The following PDGFD variants were observed in gnomAD, a reference collection of about 807,000 sequenced individuals.
PDGFD encodes platelet derived growth factor D.
Under a neutral mutation model 44.7 loss-of-function variants are expected in PDGFD, and 30 were observed. The ratio of observed to expected loss-of-function variants is 0.67; its 90% CI spans 0.50 to 0.91. PDGFD has a LOEUF of 0.91. Among genes scored for constraint, PDGFD ranks in the 40% least tolerant of loss-of-function variants. The pLI is 0.00. For synonymous variants in PDGFD, 173 were observed against 168.4 expected (o/e 1.03, Z -0.21); for missense variants, 445 against 457.8 (o/e 0.97, Z 0.25).
At chr11:104,118,616 G>C (rs1052926401) in intron 1 of PDGFD, among the ~76,000 whole-genome samples, 3 of 149,306 alleles carry the variant, frequency 2.0e-5, no homozygotes, top group South Asian at 4.2e-4. Context: ...CTTCATTTTA[G>C]TAAGCAAGTG....
chr11:104,094,073 A>G (rs999537688), intron 1 of PDGFD, among the ~76,000 whole-genome samples: 2 of 151,372 alleles, frequency 1.3e-5, no homozygotes, highest in African/African-American at 2.4e-5. Context: ...TCTTATCTTA[A>G]ACCTTAAACA....
intron 1 of PDGFD, among the ~76,000 whole-genome samples, chr11:104,056,953 C>T (rs1216070600): frequency 6.6e-6 from 1 of 152,074 alleles, no homozygotes; most frequent in Non-Finnish European, 1.5e-5. Flanking sequence ...CATGGTGAAA[C>T]CCCGTGTCTA....
At chr11:104,005,329 G>A (rs142879330) in intron 1 of PDGFD, among the ~76,000 whole-genome samples, 1 of 152,146 alleles carries the variant, frequency 6.6e-6, no homozygotes, top group Non-Finnish European at 1.5e-5. Flanking sequence ...ACTATAGAAA[G>A]TGTTCTTCCT....
rs147536650 is a variant in PDGFD at position 103,943,463 on chromosome 11, C to T, written c.761G>A (p.Arg254Gln). ...PRYRGRSYHDRKSKVDLDRLN... is the reference protein window; with the variant it reads ...PRYRGRSYHDQKSKVDLDRLN... ...TGTCTGTCTCTTACCTTTTGACTTC[C>T]GGTCATGGTATGACCTGCCTCGATA... The change falls in exon 5 of 7, where the codon CGG (arginine) becomes CAG (glutamine). Residue 254 changes from arginine (R) to glutamine (Q), a missense_variant. Coordinates refer to ENST00000393158, the MANE Select transcript of PDGFD (RefSeq NM_025208.5). The T allele has an allele frequency of 2.1e-5, 34 of 1,611,602 alleles. No homozygotes were observed. In the Middle Eastern group the frequency reaches 5.5e-4, roughly 26 times the overall value.
chr11:103,946,427 G>A (rs375476410), intron 4 of PDGFD: 2 of 152,160 alleles, frequency 1.3e-5, no homozygotes, highest in African/African-American at 4.8e-5. Context: ...TAAAGGACCT[G>A]GGTTATTCTT....
At chr11:103,974,620 C>A (rs1024409524) in intron 3 of PDGFD, among the ~76,000 whole-genome samples, 1 of 152,000 alleles carries the variant, frequency 6.6e-6, no homozygotes, top group Admixed American at 6.5e-5. Flanking sequence ...TAATGCTCTC[C>A]CTCCCCTTGC....
intron 1 of PDGFD, among the ~76,000 whole-genome samples, chr11:104,024,856 A>G (rs1039942517): frequency 1.3e-5 from 2 of 152,256 alleles, no homozygotes; most frequent in East Asian, 3.8e-4. Flanking sequence ...TATAATCTCT[A>G]TTGAAGAATG....
intron 1 of PDGFD, among the ~76,000 whole-genome samples, chr11:104,018,919 T>C (rs1354156618): frequency 6.6e-6 from 1 of 152,188 alleles, no homozygotes; most frequent in Non-Finnish European, 1.5e-5. Flanking sequence ...CTCTGCTCCT[T>C]GATCCTTGTC....
chr11:103,938,548 CTTTAG>C (rs1234383839), intron 5 of PDGFD, among the ~76,000 whole-genome samples: 34 of 152,188 alleles, frequency 2.2e-4, no homozygotes, highest in African/African-American at 7.5e-4. Flanking sequence ...TGCAGAAGCT[CTTTAG>C]TTTAATTAGA....
intron 1 of PDGFD, among the ~76,000 whole-genome samples, chr11:104,026,577 G>T (rs888424253): frequency 6.6e-6 from 1 of 152,134 alleles, no homozygotes; most frequent in Non-Finnish European, 1.5e-5. Context: ...ACAGATCAAT[G>T]ACCTCTGTCA....
chr11:104,010,046 C>T (rs1859759922), intron 1 of PDGFD, among the ~76,000 whole-genome samples: 1 of 152,110 alleles, frequency 6.6e-6, no homozygotes, highest in Admixed American at 6.6e-5. Context: ...TTAAGAAACT[C>T]AAGAGCAAAG....
chr11:104,079,289 C>T (rs1158988575), intron 1 of PDGFD, among the ~76,000 whole-genome samples: 1 of 152,168 alleles, frequency 6.6e-6, no homozygotes, highest in Non-Finnish European at 1.5e-5. Context: ...CAATAAGCCT[C>T]CTCTCCACCT....
chr11:104,028,381 C>A, intron 1 of PDGFD, among the ~76,000 whole-genome samples: 1 of 151,156 alleles, frequency 6.6e-6, no homozygotes, highest in Non-Finnish European at 1.5e-5. Context: ...TCCATCCCTA[C>A]GAACACAAAT....
At chr11:104,088,433 C>A in intron 1 of PDGFD, among the ~76,000 whole-genome samples, 1 of 152,164 alleles carries the variant, frequency 6.6e-6, no homozygotes, top group East Asian at 1.9e-4. Context: ...GCACTCAATT[C>A]ATCCCTTCAT....
At chr11:104,006,627 C>A (rs1382861169) in intron 1 of PDGFD, among the ~76,000 whole-genome samples, 1 of 152,110 alleles carries the variant, frequency 6.6e-6, no homozygotes, top group African/African-American at 2.4e-5. Flanking sequence ...ACCCCAGGCT[C>A]CAGAAGCAGA....
intron 1 of PDGFD, among the ~76,000 whole-genome samples, chr11:104,025,107 C>T (rs1860023104): frequency 6.6e-6 from 1 of 152,228 alleles, no homozygotes; most frequent in Non-Finnish European, 1.5e-5. Flanking sequence ...AAAGCCCATG[C>T]CCTTAGGGCT....
chr11:104,130,189 T>C (rs1246709492), intron 1 of PDGFD, among the ~76,000 whole-genome samples: 2 of 152,092 alleles, frequency 1.3e-5, no homozygotes, highest in Non-Finnish European at 2.9e-5. Context: ...AAGGGGTATA[T>C]GATGAGGCAG....
intron 4 of PDGFD, among the ~76,000 whole-genome samples, chr11:103,944,723 T>A (rs1320742739): frequency 1.3e-5 from 2 of 152,156 alleles, no homozygotes; most frequent in Non-Finnish European, 2.9e-5. Flanking sequence ...TCAGGCAATG[T>A]TGTCTCTCTT....
At chr11:103,935,460 G>C (rs980506488) in intron 5 of PDGFD, among the ~76,000 whole-genome samples, 1 of 152,068 alleles carries the variant, frequency 6.6e-6, no homozygotes, top group Non-Finnish European at 1.5e-5. Flanking sequence ...AGTGGCAAAA[G>C]TCTCTAAAAG....
Sources: allele counts gnomAD v4.1 joint callset (sites outside exome capture counted in the v4.1 genomes callset), GRCh38; gene constraint gnomAD v4.1.1; transcripts MANE v1.5; gene names NCBI Gene and HGNC (gene_info 2026-07-23, HGNC 2026-07-21).